The following TENM4 variants were observed in gnomAD, a reference collection of about 807,000 sequenced individuals.
TENM4 encodes the protein teneurin transmembrane protein 4.
A neutral mutation model predicts 243.3 loss-of-function variants in TENM4; 82 were observed. The observed-to-expected ratio is 0.34, with a 90% CI of 0.28 to 0.40. The LOEUF (loss-of-function observed/expected upper bound fraction) is 0.40, where lower values mean the gene tolerates loss of function less well. TENM4 is among the 10% of genes least tolerant of loss of function. The probability of loss-of-function intolerance (pLI) is 1.00; values close to 1 mark genes in which losing one functional copy is unlikely to be tolerated. For synonymous variants in TENM4, 1,412 were observed against 1,456.3 expected, an observed-to-expected ratio of 0.97 and a Z score of 0.69; for missense variants, 3,138 against 3,673.3, an observed-to-expected ratio of 0.85 and a Z score of 3.77.
At chr11:79,069,575 G>A (rs1241282872) in intron 5 of TENM4, 147 bp downstream of exon 5, 1 of 1,100,024 alleles carries the variant, frequency 9.1e-7, no homozygotes, top group Non-Finnish European at 1.3e-6. Flanking sequence ...GTGCCCAAAT[G>A]GCAGAAACTT....
Position 78,657,103 on chromosome 11 carries a change from C to T in TENM4, c.*955G>A. On this transcript the variant is annotated 3_prime_UTR_variant, in exon 34 of 34. Transcript: ENST00000278550. Reference sequence around the variant, plus strand: ...ACTGCCATGCCTTTGCCATGGGTGGCCTTCTGTTCTGTGGACATGGTGCCC... The same window carrying T: ...ACTGCCATGCCTTTGCCATGGGTGGTCTTCTGTTCTGTGGACATGGTGCCC... The T allele has an allele frequency of 2.5e-6, 1 of 398,614 alleles. No homozygotes were observed. The allele number at this position is 398,614 out of a possible 1,614,324, so 24.7% of individuals were successfully genotyped here.
At chr11:78,855,068 C>A (rs1413143598) in intron 11 of TENM4, among the ~76,000 whole-genome samples, 2 of 152,152 alleles carry the variant, frequency 1.3e-5, no homozygotes, top group African/African-American at 4.8e-5. Flanking sequence ...AGCTAGCTAG[C>A]TAGCTTTAAA....
At chr11:79,200,620 G>T (rs1863720238) in intron 3 of TENM4, among the ~76,000 whole-genome samples, 1 of 152,226 alleles carries the variant, frequency 6.6e-6, no homozygotes, top group South Asian at 2.1e-4. Flanking sequence ...TAAAACACTA[G>T]AGGCAGCTGC....
At chr11:78,905,887 C>T (rs1486828688) in intron 6 of TENM4, among the ~76,000 whole-genome samples, 3 of 152,216 alleles carry the variant, frequency 2.0e-5, no homozygotes, top group African/African-American at 7.2e-5. Context: ...TCCAGCTGTC[C>T]TCAGGTGGCA....
chr11:79,205,645 G>C (rs958948454), intron 3 of TENM4, among the ~76,000 whole-genome samples: 4 of 152,198 alleles, frequency 2.6e-5, no homozygotes, highest in African/African-American at 9.7e-5. Flanking sequence ...ACATAAGACA[G>C]TTCATTCCTT....
At chr11:78,942,129 A>T (rs1017203586) in intron 6 of TENM4, among the ~76,000 whole-genome samples, 1 of 146,384 alleles carries the variant, frequency 6.8e-6, no homozygotes, top group African/African-American at 2.6e-5. Flanking sequence ...AAAAAAAATC[A>T]CTTCTGGGTG....
intron 4 of TENM4, among the ~76,000 whole-genome samples, chr11:79,119,413 A>T (rs116356343): frequency 0.039 from 5,967 of 151,860 alleles, 383 homozygotes; most frequent in African/African-American, 0.14. Flanking sequence ...TAACAATTCC[A>T]TACCCACTTC....
rs1470471668 is a variant in TENM4, at chr11:78,670,006, C to T, written c.6339G>A (p.Val2113=). The T allele has an allele frequency of 6.2e-7, 1 of 1,613,840 alleles. No individual in the cohort carries two copies. Among genetic ancestry groups the T allele is most frequent in the Admixed American group, 1.7e-5 (1 of 59,996 alleles). Residue 2113 remains valine, a synonymous_variant, in exon 32 of 34, where the codon GTG becomes GTA. Coordinates refer to ENST00000278550, the MANE Select transcript of TENM4 (RefSeq NM_001098816.3). The part of the protein sequence containing the change: ...LPIDLYRYDD[V]SGKTEQFGKF... Reference sequence around the variant, plus strand: ...TCCCAAACTGCTCTGTCTTGCCTGACACATCATCATAGCGATAGAGATCAA... The same window carrying T: ...TCCCAAACTGCTCTGTCTTGCCTGATACATCATCATAGCGATAGAGATCAA...
chr11:79,348,646 A>G (rs911287669), intron 1 of TENM4, among the ~76,000 whole-genome samples: 2 of 152,188 alleles, frequency 1.3e-5, no homozygotes, highest in Non-Finnish European at 2.9e-5. Context: ...GAAGAGAGAA[A>G]GGCCATCTGC....
At chr11:79,376,204 G>A (rs1356076432) in intron 1 of TENM4, among the ~76,000 whole-genome samples, 1 of 152,212 alleles carries the variant, frequency 6.6e-6, no homozygotes, top group East Asian at 1.9e-4. Context: ...ACTTGCAGAA[G>A]CTGTCCCTTC....
At chr11:79,085,685 C>T (rs1481076374) in intron 4 of TENM4, among the ~76,000 whole-genome samples, 1 of 152,098 alleles carries the variant, frequency 6.6e-6, no homozygotes, top group East Asian at 1.9e-4. Context: ...CTGATTCAGT[C>T]CTCACTCACG....
chr11:79,026,872 G>A (rs1859093024), intron 6 of TENM4, among the ~76,000 whole-genome samples: 5 of 152,118 alleles, frequency 3.3e-5, no homozygotes, highest in Non-Finnish European at 7.3e-5. Flanking sequence ...AATTTCCTGG[G>A]ATCCTTCCAT....
At chr11:79,350,368 G>A (rs1250505201) in intron 1 of TENM4, among the ~76,000 whole-genome samples, 2 of 151,336 alleles carry the variant, frequency 1.3e-5, no homozygotes, top group Non-Finnish European at 2.9e-5. Context: ...ACCTTAGTCC[G>A]TGCTGTCATC....
intron 1 of TENM4, among the ~76,000 whole-genome samples, chr11:79,386,442 T>C (rs1324902940): frequency 6.6e-6 from 1 of 152,030 alleles, no homozygotes; most frequent in African/African-American, 2.4e-5. Context: ...GGAACTTATC[T>C]TCACCAAATG....
chr11:78,915,499 G>T (rs893834826), intron 6 of TENM4, among the ~76,000 whole-genome samples: 1 of 152,176 alleles, frequency 6.6e-6, no homozygotes, highest in Non-Finnish European at 1.5e-5. Context: ...TTCTCGAGGG[G>T]CCTGGGGTGA....
chr11:79,102,840 C>CT (rs1283351786), intron 4 of TENM4, among the ~76,000 whole-genome samples: 7 of 152,108 alleles, frequency 4.6e-5, no homozygotes, highest in Non-Finnish European at 8.8e-5. Context: ...TTTCATTTAA[C>CT]TTTTTTTTCC....
chr11:79,105,049 G>A (rs766057929), intron 4 of TENM4, among the ~76,000 whole-genome samples: 4 of 152,142 alleles, frequency 2.6e-5, no homozygotes, highest in Non-Finnish European at 5.9e-5. Flanking sequence ...CCAGAAAGAT[G>A]CAATTTACAA....
chr11:78,988,477 A>G (rs1011242998), intron 6 of TENM4, among the ~76,000 whole-genome samples: 1 of 152,220 alleles, frequency 6.6e-6, no homozygotes, highest in African/African-American at 2.4e-5. Context: ...ATTGAAAACT[A>G]ATGCATAAGG....
At chr11:79,322,852 G>C (rs1856914036) in intron 1 of TENM4, among the ~76,000 whole-genome samples, 1 of 152,202 alleles carries the variant, frequency 6.6e-6, no homozygotes, top group Non-Finnish European at 1.5e-5. Flanking sequence ...ATTGAGAAGA[G>C]ATACAATTTC....
Sources: allele counts gnomAD v4.1 joint callset (sites outside exome capture counted in the v4.1 genomes callset), GRCh38; gene constraint gnomAD v4.1.1; transcripts MANE v1.5; gene names NCBI Gene and HGNC (gene_info 2026-07-23, HGNC 2026-07-21).